The following FAM168B variants were observed in gnomAD, a reference collection of about 807,000 sequenced individuals.
The protein encoded by FAM168B is myelin-associated neurite-outgrowth inhibitor.
In FAM168B, 19 loss-of-function variants were observed where a neutral mutation model predicts 21.8. The observed-to-expected ratio is 0.87, with a 90% CI of 0.61 to 1.28. The LOEUF (loss-of-function observed/expected upper bound fraction) is 1.28, where lower values mean the gene tolerates loss of function less well. Ranked by LOEUF, FAM168B falls within the 50% of genes most tolerant of loss-of-function variation. FAM168B has a pLI of 0.00. For synonymous variants in FAM168B, 126 were observed against 104.8 expected (o/e 1.20, Z -1.24); for missense variants, 233 against 263.1 (o/e 0.89, Z 0.79).
chr2:131,091,193 C>T (rs1299703856), intron 1 of FAM168B, among the ~76,000 whole-genome samples: 1 of 152,020 alleles, frequency 6.6e-6, no homozygotes, highest in Non-Finnish European at 1.5e-5. Context: ...ACAAACATTA[C>T]CTGGGCAGGG....
At position 131,050,770 on chromosome 2, in the gene FAM168B, C is replaced by G. The variant is rs960326231; in HGVS notation, c.*1695G>C. ...AATGCTAGTGGGCATCCTCACTGGG[C>G]GCCAGTGCCCTGACCCAGCTACCAG... On this transcript the variant is annotated 3_prime_UTR_variant, in exon 7 of 7. Coordinates refer to ENST00000389915, the MANE Select transcript of FAM168B (RefSeq NM_001009993.4). 2.0e-6 allele frequency: 2 copies of G among 985,294 alleles called. No individual in the cohort carries two copies. Among genetic ancestry groups the G allele is most frequent in the African/African-American group, 1.7e-5 (1 of 57,224 alleles). The allele number at this position is 985,294 out of a possible 1,614,324, so 61.0% of individuals were successfully genotyped here. A position where few individuals can be genotyped will look rare whatever the true frequency, so the allele number is the denominator to read the frequency against.
At position 131,051,291 on chromosome 2, in the gene FAM168B, A is replaced by G; in HGVS notation, c.*1174T>C. ...CCCAGAAGCAGCTACAGGTTTCTAC[A>G]TTTCCAGACATATCCACGGCCCTGC... On this transcript the variant is annotated 3_prime_UTR_variant, in exon 7 of 7. Coordinates refer to ENST00000389915, the MANE Select transcript of FAM168B (RefSeq NM_001009993.4). The G allele has an allele frequency of 3.0e-6, 3 of 985,366 alleles. No homozygotes were observed. Among genetic ancestry groups the G allele is most frequent in the Non-Finnish European group, 3.6e-6 (3 of 829,920 alleles). 61.0% of individuals were successfully genotyped at this position (985,366 alleles called of 1,614,324 possible).
Position 131,055,302 on chromosome 2 carries a change from C to T in FAM168B, c.445G>A (p.Val149Met). Reference protein sequence around the residue: ...PRGNGVTMGMVAGTTMAMSAG... With the variant: ...PRGNGVTMGMMAGTTMAMSAG... ...GACATGGCCATGGTGGTCCCAGCCACCATGCCCATGGTGACCCCGTTGCCT... is the reference window on the plus strand; with the variant it reads ...GACATGGCCATGGTGGTCCCAGCCATCATGCCCATGGTGACCCCGTTGCCT... Residue 149 changes from valine (V) to methionine (M), a missense_variant, in exon 5 of 7, where the codon GTG (valine) becomes ATG (methionine). Transcript: ENST00000389915. 6.3e-7 allele frequency: 1 copy of T among 1,582,820 alleles called. No homozygotes were observed. Among genetic ancestry groups the T allele is most frequent in the Middle Eastern group, 1.7e-4 (1 of 5,922 alleles).
At chr2:131,079,776 A>G (rs978953780) in intron 2 of FAM168B, among the ~76,000 whole-genome samples, 2 of 152,206 alleles carry the variant, frequency 1.3e-5, no homozygotes, top group Admixed American at 1.3e-4. Flanking sequence ...AAAGCAAAAT[A>G]AAGACAATTT....
chr2:131,054,336 T>C (rs1327429008), intron 5 of FAM168B, among the ~76,000 whole-genome samples: 1 of 151,548 alleles, frequency 6.6e-6, no homozygotes, highest in Non-Finnish European at 1.5e-5. Context: ...CAACAACTAC[T>C]TGAGTCCCTT....
intron 3 of FAM168B, among the ~76,000 whole-genome samples, chr2:131,060,072 G>C (rs907207966): frequency 5.3e-5 from 8 of 151,822 alleles, no homozygotes; most frequent in Non-Finnish European, 8.8e-5. Flanking sequence ...CTGTCACCCA[G>C]GCTGGAGTGC....
In FAM168B at chr2:131,048,291, A is replaced by G. The variant is rs1398336984; in HGVS notation, c.*4174T>C. 1.1e-5 allele frequency: 14 copies of G among 1,304,142 alleles called. No individual in the cohort carries two copies. Among genetic ancestry groups the G allele is most frequent in the Non-Finnish European group, 1.2e-5 (12 of 988,938 alleles). 80.8% of individuals were successfully genotyped at this position (1,304,142 alleles called of 1,614,324 possible). ...TAGGAGCACAAACGGCTGGCCTGAGATCTGGCCCAGCTGCCTTGCCCACTG... is the reference window on the plus strand; with the variant it reads ...TAGGAGCACAAACGGCTGGCCTGAGGTCTGGCCCAGCTGCCTTGCCCACTG... On this transcript the variant is annotated 3_prime_UTR_variant, in exon 7 of 7. Coordinates refer to ENST00000389915, the MANE Select transcript of FAM168B (RefSeq NM_001009993.4).
At chr2:131,077,333 G>C (rs556529725) in intron 2 of FAM168B, among the ~76,000 whole-genome samples, 1 of 152,030 alleles carries the variant, frequency 6.6e-6, no homozygotes, top group Admixed American at 6.6e-5. Context: ...CTACTGTTCA[G>C]CCAGGAGAAG....
chr2:131,078,234 C>CA (rs1283708821), intron 2 of FAM168B, among the ~76,000 whole-genome samples: 2 of 152,118 alleles, frequency 1.3e-5, no homozygotes, highest in Non-Finnish European at 2.9e-5. Context: ...AGTTAGCAAA[C>CA]AGTTTTTAAA....
At position 131,053,118 on chromosome 2, in the gene FAM168B, C is replaced by G. The variant is rs534073742; in HGVS notation, c.476-103G>C. On this transcript the variant is annotated intron_variant, in intron 5 of 6. Transcript: ENST00000389915. ...GCCTCTTTGCAAGGAGGAGGGTATACAGGAAGAGGGATAGTCTTGACCCAG... is the reference window on the plus strand; with the variant it reads ...GCCTCTTTGCAAGGAGGAGGGTATAGAGGAAGAGGGATAGTCTTGACCCAG... 4 of 1,409,706 alleles carry G rather than the reference C, an allele frequency of 2.8e-6. No homozygotes were observed. In the Admixed American group the frequency reaches 1.3e-4, roughly 47 times the overall value. The allele number at this position is 1,409,706 out of a possible 1,614,324, so 87.3% of individuals were successfully genotyped here.
At position 131,049,555 on chromosome 2, in the gene FAM168B, A is replaced by G. The variant is rs116785420; in HGVS notation, c.*2910T>C. The G allele has an allele frequency of 3.3e-3, 3,235 of 985,486 alleles. 96 individuals carry two copies. The African/African-American group carries it at 0.052, about 16-fold the overall frequency. 61.0% of individuals were successfully genotyped at this position (985,486 alleles called of 1,614,324 possible). ...GGCTCACACTAAATGCTCAGCCGCC[A>G]GCACAGATCCAAACAAGACCTCCAT... On this transcript the variant is annotated 3_prime_UTR_variant, in exon 7 of 7. Transcript: ENST00000389915.
At chr2:131,077,211 TTAAAAAAAAAA>T (rs1558982532) in intron 2 of FAM168B, among the ~76,000 whole-genome samples, 1 of 138,486 alleles carries the variant, frequency 7.2e-6, no homozygotes, top group Admixed American at 6.9e-5. Flanking sequence ...GCTATTACAT[TTAAAAAAAAAA>T]AAAAAAAAAA....
intron 3 of FAM168B, among the ~76,000 whole-genome samples, chr2:131,060,654 C>A (rs1436854163): frequency 6.6e-6 from 1 of 152,174 alleles, no homozygotes; most frequent in Non-Finnish European, 1.5e-5. Context: ...CAAAAGCACA[C>A]CTCACTCATG....
At chr2:131,086,942 G>A (rs1254823244) in intron 1 of FAM168B, among the ~76,000 whole-genome samples, 73 of 128,306 alleles carry the variant, frequency 5.7e-4, no homozygotes, top group African/African-American at 2.6e-3. Context: ...GCGGGCGCCT[G>A]TAGTCCCAGC....
chr2:131,084,048 G>A lies in FAM168B; in HGVS notation c.-11-1391C>T, dbSNP rs191472584. On this transcript the variant is annotated intron_variant, in intron 1 of 6. Coordinates refer to ENST00000389915, the MANE Select transcript of FAM168B (RefSeq NM_001009993.4). ...CTCCCGCATAGCAGGGACTACAGGC[G>A]TGCGCCACCACACCCAGCTAATTTT... Among the ~76,000 whole-genome samples, 596 of 151,816 alleles carry A rather than the reference G, an allele frequency of 3.9e-3. 2 individuals carry two copies. Among genetic ancestry groups the A allele is most frequent in the Middle Eastern group, 0.01 (3 of 290 alleles).
chr2:131,048,266 T>C lies in FAM168B; in HGVS notation c.*4199A>G. On this transcript the variant is annotated 3_prime_UTR_variant, in exon 7 of 7. Coordinates refer to ENST00000389915, the MANE Select transcript of FAM168B (RefSeq NM_001009993.4). ...CGTGTGGCCAGCACAGCAACCCTGC[T>C]AGGAGCACAAACGGCTGGCCTGAGA... 7.7e-7 allele frequency: 1 copy of C among 1,304,236 alleles called. No individual in the cohort carries two copies. Among genetic ancestry groups the C allele is most frequent in the Non-Finnish European group, 1.0e-6 (1 of 988,918 alleles). 80.8% of individuals were successfully genotyped at this position (1,304,236 alleles called of 1,614,324 possible). A position where few individuals can be genotyped will look rare whatever the true frequency, so the allele number is the denominator to read the frequency against.
intron 3 of FAM168B, among the ~76,000 whole-genome samples, chr2:131,064,747 G>A (rs1692470277): frequency 6.6e-6 from 1 of 152,156 alleles, no homozygotes; most frequent in African/African-American, 2.4e-5. Context: ...CAAGCCCTGG[G>A]ATGATGAGAA....
chr2:131,052,773 C>T, intron 6 of FAM168B, 118 bp downstream of exon 6: 2 of 1,437,350 alleles, frequency 1.4e-6, no homozygotes, highest in Non-Finnish European at 1.9e-6. Context: ...TACATTGCCT[C>T]TGGATCCAGG....
Position 131,075,017 on chromosome 2 carries a change from G to C in FAM168B, c.71-3079C>G, listed in dbSNP as rs1027320047. On this transcript the variant is annotated intron_variant, in intron 2 of 6. Coordinates refer to ENST00000389915, the MANE Select transcript of FAM168B (RefSeq NM_001009993.4). The stretch of plus-strand genomic sequence containing the variant: ...CTCTACCTCAGCAGAAGCCATTCCG[G>C]GTTTCCCTCCTGGACTCTCACCCTC... Among the ~76,000 whole-genome samples the C allele has an allele frequency of 2.0e-5, 3 of 152,102 alleles. No homozygotes were observed. In the East Asian group the frequency reaches 5.8e-4, roughly 29 times the overall value.
Sources: allele counts gnomAD v4.1 joint callset (sites outside exome capture counted in the v4.1 genomes callset), GRCh38; gene constraint gnomAD v4.1.1; transcripts MANE v1.5; gene names NCBI Gene and HGNC (gene_info 2026-07-23, HGNC 2026-07-21).